The following ST6GALNAC3 variants were observed in gnomAD, a reference collection of about 807,000 sequenced individuals.
ST6GALNAC3 encodes alpha-N-acetylgalactosaminide alpha-2,6-sialyltransferase 3.
Under a neutral mutation model 32.7 loss-of-function variants are expected in ST6GALNAC3, and 25 were observed. The observed-to-expected ratio is 0.76, with a 90% CI of 0.56 to 1.07. ST6GALNAC3 has a LOEUF of 1.07. Among genes scored for constraint, ST6GALNAC3 ranks in the 50% least tolerant of loss-of-function variants. The pLI is 0.00. For missense variants in ST6GALNAC3, 355 were observed against 382.4 expected, an observed-to-expected ratio of 0.93 and a Z score of 0.60; for synonymous variants, 129 against 133.1, an observed-to-expected ratio of 0.97 and a Z score of 0.21.
chr1:76,452,635 A>G (rs556518623), intron 3 of ST6GALNAC3, among the ~76,000 whole-genome samples: 31 of 152,188 alleles, frequency 2.0e-4, no homozygotes, highest in Non-Finnish European at 4.0e-4. Context: ...AACCCACTTG[A>G]TCATGGTGGA....
intron 3 of ST6GALNAC3, among the ~76,000 whole-genome samples, chr1:76,583,128 C>T (rs866221577): frequency 6.6e-6 from 1 of 152,154 alleles, no homozygotes; most frequent in Non-Finnish European, 1.5e-5. Flanking sequence ...CGGATGCTGT[C>T]AGGCAGCAAA....
chr1:76,266,198 G>A (rs1241737767), intron 1 of ST6GALNAC3, among the ~76,000 whole-genome samples: 1 of 152,164 alleles, frequency 6.6e-6, no homozygotes, highest in Non-Finnish European at 1.5e-5. Flanking sequence ...TCCCATAGCT[G>A]CAGGGAACAC....
At chr1:76,302,473 C>T (rs1660783488) in intron 1 of ST6GALNAC3, among the ~76,000 whole-genome samples, 1 of 151,974 alleles carries the variant, frequency 6.6e-6, no homozygotes, top group African/African-American at 2.4e-5. Flanking sequence ...TTTGGTGTTT[C>T]AGCTTTTTGC....
At chr1:76,576,702 T>C (rs1646814327) in intron 3 of ST6GALNAC3, 3 of 513,118 alleles carry the variant, frequency 5.8e-6, no homozygotes, top group South Asian at 2.1e-5. Flanking sequence ...TCAGAAAAAA[T>C]GCCAGAGGAA....
chr1:76,396,013 G>T (rs1215281488), intron 2 of ST6GALNAC3, among the ~76,000 whole-genome samples: 2 of 152,130 alleles, frequency 1.3e-5, no homozygotes, highest in Non-Finnish European at 2.9e-5. Context: ...CAAGGTGATG[G>T]ATACCTTAAA....
chr1:76,496,618 C>T (rs1430046753), intron 3 of ST6GALNAC3, among the ~76,000 whole-genome samples: 1 of 152,066 alleles, frequency 6.6e-6, no homozygotes. Context: ...CCAAACCTCC[C>T]CACCCACTTC....
chr1:76,372,746 A>AT (rs1650927568), intron 2 of ST6GALNAC3, among the ~76,000 whole-genome samples: 1 of 151,968 alleles, frequency 6.6e-6, no homozygotes, highest in South Asian at 2.1e-4. Context: ...TTCTCCTATT[A>AT]TTTTCACTCC....
At chr1:76,415,419 TCTC>T (rs1265052186) in intron 3 of ST6GALNAC3, among the ~76,000 whole-genome samples, 3 of 151,940 alleles carry the variant, frequency 2.0e-5, no homozygotes, top group Non-Finnish European at 4.4e-5. Context: ...CCAATCCTGT[TCTC>T]CTCTTTATTT....
chr1:76,568,345 C>G (rs1031196798), intron 3 of ST6GALNAC3, among the ~76,000 whole-genome samples: 1 of 152,152 alleles, frequency 6.6e-6, no homozygotes, highest in South Asian at 2.1e-4. Flanking sequence ...TTGAACTGAC[C>G]TGCATGTTAA....
At chr1:76,335,426 AG>A (rs1647382317) in intron 2 of ST6GALNAC3, among the ~76,000 whole-genome samples, 1 of 107,676 alleles carries the variant, frequency 9.3e-6, no homozygotes, top group Non-Finnish European at 1.9e-5. Context: ...ATCTCATCAC[AG>A]GGAACACACA....
At chr1:76,522,952 A>G (rs315084) in intron 3 of ST6GALNAC3, among the ~76,000 whole-genome samples, 131,573 of 152,166 alleles carry the variant, frequency 0.86, 57,031 homozygotes, top group East Asian at 1. Flanking sequence ...ACTGTATGAC[A>G]AAGGCTTTTA....
At chr1:76,206,430 A>G (rs1654826302) in intron 1 of ST6GALNAC3, among the ~76,000 whole-genome samples, 1 of 152,192 alleles carries the variant, frequency 6.6e-6, no homozygotes, top group Non-Finnish European at 1.5e-5. Flanking sequence ...GCAGAACTAA[A>G]TACATCCACA....
intron 3 of ST6GALNAC3, among the ~76,000 whole-genome samples, chr1:76,469,124 A>G (rs1393115978): frequency 6.6e-6 from 1 of 152,106 alleles, no homozygotes; most frequent in African/African-American, 2.4e-5. Flanking sequence ...TCCTCTGATT[A>G]TGTGTTGTAA....
At chr1:76,545,811 C>A (rs113523677) in intron 3 of ST6GALNAC3, among the ~76,000 whole-genome samples, 31 of 152,244 alleles carry the variant, frequency 2.0e-4, no homozygotes, top group South Asian at 1.7e-3. Flanking sequence ...CATGCCCCCC[C>A]ACATCCAGCT....
At chr1:76,345,597 T>C (rs1388717215) in intron 2 of ST6GALNAC3, among the ~76,000 whole-genome samples, 1 of 152,154 alleles carries the variant, frequency 6.6e-6, no homozygotes, top group East Asian at 1.9e-4. Context: ...CAATAAAGTT[T>C]AGTAAACAGT....
At chr1:76,555,844 G>C (rs558631756) in intron 3 of ST6GALNAC3, among the ~76,000 whole-genome samples, 1 of 151,946 alleles carries the variant, frequency 6.6e-6, no homozygotes, top group African/African-American at 2.4e-5. Context: ...GAAATTCTGG[G>C]GTTAGGACAT....
intron 3 of ST6GALNAC3, among the ~76,000 whole-genome samples, chr1:76,585,992 A>G (rs927853897): frequency 1.3e-5 from 2 of 152,224 alleles, no homozygotes; most frequent in Non-Finnish European, 2.9e-5. Context: ...AAAGGGTTCT[A>G]CAACCAAAAA....
chr1:76,336,986 T>C (rs1031581321), intron 2 of ST6GALNAC3, among the ~76,000 whole-genome samples: 1 of 152,200 alleles, frequency 6.6e-6, no homozygotes, highest in African/African-American at 2.4e-5. Context: ...CATATTGCGC[T>C]GCCAGAGTGG....
intron 3 of ST6GALNAC3, among the ~76,000 whole-genome samples, chr1:76,612,251 TGTTAACA>T (rs1379904675): frequency 1.3e-5 from 2 of 152,302 alleles, no homozygotes; most frequent in East Asian, 3.9e-4. Context: ...CATTCCCCTC[TGTTAACA>T]GTGACTGTAG....
Sources: allele counts gnomAD v4.1 joint callset (sites outside exome capture counted in the v4.1 genomes callset), GRCh38; gene constraint gnomAD v4.1.1; transcripts MANE v1.5; gene names NCBI Gene and HGNC (gene_info 2026-07-23, HGNC 2026-07-21).